The following SLC34A3 variants were observed in gnomAD, a reference collection of about 807,000 sequenced individuals.
SLC34A3 encodes the protein sodium-dependent phosphate transport protein 2C.
SLC34A3 carries 60 observed loss-of-function variants against 43.9 expected under a neutral mutation model. The observed-to-expected ratio is 1.37, with a 90% CI of 1.11 to 1.70. The LOEUF (loss-of-function observed/expected upper bound fraction) is 1.70. SLC34A3 is among the 40% of genes most tolerant of loss of function. The pLI, the probability that SLC34A3 is intolerant of heterozygous loss-of-function variation, is 0.00. For missense variants in SLC34A3, 969 were observed against 823.8 expected, an observed-to-expected ratio of 1.18 and a Z score of -2.16; for synonymous variants, 451 against 386.2, an observed-to-expected ratio of 1.17 and a Z score of -1.97.
intron 1 of SLC34A3, 116 bp from the exon 2 acceptor site, chr9:137,231,548 G>C (rs558624982): frequency 4.2e-6 from 3 of 719,756 alleles, no homozygotes; most frequent in Non-Finnish European, 7.6e-6. Context: ...AGGGCGTAGA[G>C]AGGGAGGGTG....
upstream of SLC34A3, chr9:137,230,801 G>A (rs910714874): frequency 3.3e-5 from 5 of 152,260 alleles, no homozygotes; most frequent in Non-Finnish European, 5.9e-5. Flanking sequence ...GGGTACCCCC[G>A]TGAGGGCCTG....
At chr9:137,235,775 T>A (rs1037607182) in intron 12 of SLC34A3, among the ~76,000 whole-genome samples, 177 bp from the exon 13 acceptor site, 2 of 152,212 alleles carry the variant, frequency 1.3e-5, no homozygotes, top group African/African-American at 4.8e-5. Context: ...GGAGGCGTGC[T>A]GGGGAACATG....
In SLC34A3 at chr9:137,234,679, C is replaced by T. The variant is rs775653752; in HGVS notation, c.1283C>T (p.Ala428Val). ...TCCAACATCGGCACCACTACCACAG[C>T]CCTGCTGGCTGCCCTGGCCAGCCCC... ...LGSNIGTTTT[A>V]LLAALASPAD... Residue 428 changes from alanine to valine, a missense_variant, in exon 12 of 13, where the codon GCC (alanine) becomes GTC (valine). Transcript: ENST00000673835. This position sits in a 1 kb window ranked among gnomAD's most constrained non-coding sequence, Gnocchi z 6.9. 3.7e-6 allele frequency: 6 copies of T among 1,612,262 alleles called. No individual in the cohort carries two copies. The highest frequency in any genetic ancestry group is 5.1e-6 in the Non-Finnish European group (6 of 1,179,872).
At position 137,234,557 on chromosome 9, in the gene SLC34A3, G is replaced by C. The variant is rs373159315; in HGVS notation, c.1210+25G>C. 2 of 1,609,390 alleles carry C rather than the reference G, an allele frequency of 1.2e-6. No individual in the cohort carries two copies. Among genetic ancestry groups the C allele is most frequent in the Non-Finnish European group, 1.7e-6 (2 of 1,178,252 alleles). ...GGTGAGCAGGCAGGACAGAGGCCTCGGGAACGGGGGCTCGGGCTGGGGTCC... is the reference window on the plus strand; with the variant it reads ...GGTGAGCAGGCAGGACAGAGGCCTCCGGAACGGGGGCTCGGGCTGGGGTCC... On this transcript the variant is annotated intron_variant, in intron 11 of 12. Transcript: ENST00000673835. This position sits in a 1 kb window ranked among gnomAD's most constrained non-coding sequence, Gnocchi z 6.9.
In SLC34A3 at chr9:137,234,529, A is replaced by G. The variant is rs771932709; in HGVS notation, c.1207A>G (p.Met403Val). ...SVFTAAVVPL[M>V]GVGVISLDRA... ...CTTCACGGCGGCCGTCGTGCCCCTC[A>G]TGGGTGAGCAGGCAGGACAGAGGCC... is the stretch of plus-strand genomic sequence containing the variant. The change falls in exon 11 of 13, where the codon ATG (methionine) becomes GTG (valine). Residue 403 changes from methionine to valine, a missense_variant. By Grantham distance (21) the Met-to-Val change is conservative. Coordinates refer to ENST00000673835, the MANE Select transcript of SLC34A3 (RefSeq NM_001177316.2). This position sits in a 1 kb window ranked among gnomAD's most constrained non-coding sequence, Gnocchi z 6.9. The G allele has an allele frequency of 5.0e-6, 8 of 1,606,822 alleles. No individual in the cohort carries two copies. The highest frequency in any genetic ancestry group is 6.8e-6 in the Non-Finnish European group (8 of 1,177,854).
chr9:137,233,779 T>TTGGGCCCCCCCCCCCCC, intron 8 of SLC34A3, 57 bp downstream of exon 8: 8 of 1,445,710 alleles, frequency 5.5e-6, no homozygotes, highest in South Asian at 2.3e-5. Flanking sequence ...TGCTGAGTCA[T>TTGGGCCCCCCCCCCCCC]CCCGCCCCAC....
chr9:137,235,476 G>T (rs1054357583), intron 12 of SLC34A3, among the ~76,000 whole-genome samples: 9 of 152,132 alleles, frequency 5.9e-5, no homozygotes, highest in Non-Finnish European at 1.3e-4. Flanking sequence ...TCCACCCCCT[G>T]CAGGAAGCCC....
chr9:137,233,779 T>TTGGGCCCCCCCCCCCCCCCCCCCCC, intron 8 of SLC34A3, 57 bp downstream of exon 8: 15 of 1,445,628 alleles, frequency 1.0e-5, no homozygotes, highest in East Asian at 7.0e-5. Context: ...TGCTGAGTCA[T>TTGGGCCCCCCCCCCCCCCCCCCCCC]CCCGCCCCAC....
intron 7 of SLC34A3, 68 bp downstream of exon 7, chr9:137,233,472 C>G: frequency 1.9e-6 from 3 of 1,588,746 alleles, no homozygotes; most frequent in Non-Finnish European, 2.6e-6. Context: ...GAGGCCCGCC[C>G]TGCCCTGATG....
At position 137,234,427 on chromosome 9, in the gene SLC34A3, C is replaced by A. The variant is rs775994027; in HGVS notation, c.1105C>A (p.Pro369Thr). 4.4e-6 allele frequency: 7 copies of A among 1,599,000 alleles called. No homozygotes were observed. Among genetic ancestry groups the A allele is most frequent in the Non-Finnish European group, 5.9e-6 (7 of 1,179,154 alleles). Residue 369 changes from proline to threonine, a missense_variant, in exon 11 of 13, where the codon CCG (proline) becomes ACG (threonine). Pro to Thr is a conservative substitution (Grantham distance 38). Coordinates refer to ENST00000673835, the MANE Select transcript of SLC34A3 (RefSeq NM_001177316.2). The surrounding 1 kb of genome is among the most constrained non-coding windows in gnomAD (Gnocchi z 6.9). ...RTVINADFPFPLGWLGGYLAV... is the reference protein window; with the variant it reads ...RTVINADFPFTLGWLGGYLAV... ...GGCATCCCCCACAGACTTCCCCTTC[C>A]CGCTGGGCTGGCTCGGCGGCTACCT...
chr9:137,232,206 C>A, intron 3 of SLC34A3, 45 bp downstream of exon 3: 1 of 1,567,008 alleles, frequency 6.4e-7, no homozygotes, highest in South Asian at 1.1e-5. Context: ...AGGCCTCTGT[C>A]CCCAACGGGA....
chr9:137,231,099 G>A (rs1836188035), intron 1 of SLC34A3, 161 bp downstream of exon 1: 1 of 156,982 alleles, frequency 6.4e-6, no homozygotes, highest in African/African-American at 2.4e-5. Context: ...AGGACGCCTG[G>A]ACCTGAGCCC....
Position 137,234,102 on chromosome 9 carries a change from C to T in SLC34A3, c.926-7C>T, listed in dbSNP as rs1836425982. 2.6e-6 allele frequency: 4 copies of T among 1,560,294 alleles called. No homozygotes were observed. Among genetic ancestry groups the T allele is most frequent in the Non-Finnish European group, 3.4e-6 (4 of 1,160,082 alleles). ...CTCCCCCTCACCTGCCCCTGCCCTGCCCCCAGGCCGCCACCTGTTTGCGGG... is the reference window on the plus strand; with the variant it reads ...CTCCCCCTCACCTGCCCCTGCCCTGTCCCCAGGCCGCCACCTGTTTGCGGG... On this transcript the variant is annotated splice_polypyrimidine_tract_variant and splice_region_variant and intron_variant, in intron 9 of 12. Coordinates refer to ENST00000673835, the MANE Select transcript of SLC34A3 (RefSeq NM_001177316.2). This position sits in a 1 kb window ranked among gnomAD's most constrained non-coding sequence, Gnocchi z 6.9.
Position 137,232,655 on chromosome 9 carries a change from T to G in SLC34A3, c.256T>G (p.Phe86Val). 2 of 1,612,778 alleles carry G rather than the reference T, an allele frequency of 1.2e-6. No individual in the cohort carries two copies. Among genetic ancestry groups the G allele is most frequent in the African/African-American group, 1.3e-5 (1 of 75,060 alleles). The change falls in exon 4 of 13, where the codon TTC (phenylalanine) becomes GTC (valine). Residue 86 changes from phenylalanine to valine, a missense_variant. Phe to Val is a conservative substitution (Grantham distance 50). Transcript: ENST00000673835. ...ACGLLGSLYF[F>V]ICSLDVLSSA... ...CGGGCTCCTCGGCAGCCTGTACTTC[T>G]TCATCTGCTCTCTGGACGTCCTCAG...
In SLC34A3 at chr9:137,233,271, C is replaced by CACT; in HGVS notation, c.624_626dup (p.Leu209dup). Reference sequence around the variant, plus strand: ...TGGCTCACAGTGCTGGTCCTGCTGCCACTGGAGAGCGCCACGGCCCTGCTG... The same window carrying CACT: ...TGGCTCACAGTGCTGGTCCTGCTGCCACTACTGGAGAGCGCCACGGCCCTGCTG... On this transcript the variant is annotated inframe_insertion, in exon 7 of 13. Transcript: ENST00000673835. 3 of 1,583,874 alleles carry CACT rather than the reference C, an allele frequency of 1.9e-6. No homozygotes were observed. The South Asian group carries it at 3.4e-5, about 18-fold the overall frequency.
chr9:137,233,779 T>TGGGGGGGCCCC, intron 8 of SLC34A3, 57 bp downstream of exon 8: 1 of 1,445,822 alleles, frequency 6.9e-7, no homozygotes, highest in Non-Finnish European at 9.6e-7. Context: ...TGCTGAGTCA[T>TGGGGGGGCCCC]CCCGCCCCAC....
At chr9:137,233,779 T>TTTGGGCCCC in intron 8 of SLC34A3, 57 bp downstream of exon 8, 5 of 1,445,800 alleles carry the variant, frequency 3.5e-6, no homozygotes, top group Non-Finnish European at 4.8e-6. Flanking sequence ...TGCTGAGTCA[T>TTTGGGCCCC]CCCGCCCCAC....
At chr9:137,231,525 C>T in intron 1 of SLC34A3, 139 bp from the exon 2 acceptor site, 1 of 657,404 alleles carries the variant, frequency 1.5e-6, no homozygotes. Context: ...GGGGGATGGT[C>T]ACTGAGGCCT....
rs376378040 is a variant in SLC34A3, at chr9:137,232,915, G to A, written c.436G>A (p.Val146Met). The A allele has an allele frequency of 6.2e-7, 1 of 1,608,204 alleles. No homozygotes were observed. The highest frequency in any genetic ancestry group is 2.2e-5 in the East Asian group (1 of 44,536). ...GTCCTCCTCCATCGTGGTCAGCATG[G>A]TGGCTGCTAAGCGTGGGTGCACACT... ...STSSSIVVSM[V>M]AAKLLTVRVS... Residue 146 changes from valine (V) to methionine (M), a missense_variant, in exon 5 of 13, where the codon GTG becomes ATG. Physicochemically the swap from Val to Met is conservative, Grantham distance 21. Coordinates refer to ENST00000673835, the MANE Select transcript of SLC34A3 (RefSeq NM_001177316.2).
Sources: allele counts gnomAD v4.1 joint callset (sites outside exome capture counted in the v4.1 genomes callset), GRCh38; gene constraint gnomAD v4.1.1; non-coding constraint Gnocchi (gnomAD v3.1); transcripts MANE v1.5; gene names NCBI Gene and HGNC (gene_info 2026-07-23, HGNC 2026-07-21).